RNF17: variants seen among roughly 807,000 people sequenced by gnomAD.
The protein encoded by RNF17 is ring finger protein 17, also known as spermatogenesis associated 23.
A neutral mutation model predicts 200.5 loss-of-function variants in RNF17; 31 were observed. The observed-to-expected ratio is 0.15, with a 90% CI of 0.12 to 0.21. The LOEUF (loss-of-function observed/expected upper bound fraction) is 0.21, where lower values mean the gene tolerates loss of function less well. Among genes scored for constraint, RNF17 ranks in the 10% least tolerant of loss-of-function variants. The pLI, the probability that RNF17 is intolerant of heterozygous loss-of-function variation, is 1.00. For synonymous variants in RNF17, 606 were observed against 637.8 expected, an observed-to-expected ratio of 0.95 and a Z score of 0.75; for missense variants, 1,628 against 1,905.1, an observed-to-expected ratio of 0.85 and a Z score of 2.71.
chr13:24,823,042 T>C (rs1275332488), intron 15 of RNF17, among the ~76,000 whole-genome samples: 1 of 152,146 alleles, frequency 6.6e-6, no homozygotes. Flanking sequence ...TGAACTCCCA[T>C]AGCTCTTGTT....
Position 24,793,264 on chromosome 13 carries a change from C to G in RNF17, c.1158C>G (p.Ser386=), listed in dbSNP as rs150736079. ...FQPQKDVATA[S]PKTIAVLPQM... The stretch of plus-strand genomic sequence containing the variant: ...CACAGAAAGACGTTGCAACAGCATC[C>G]CCTAAAACCATTGCTGTGTTACCTC... Residue 386 remains serine (S), a synonymous_variant, in exon 10 of 36, where the codon TCC becomes TCG. Coordinates refer to ENST00000255324, the MANE Select transcript of RNF17 (RefSeq NM_031277.3). 1.8e-4 allele frequency: 298 copies of G among 1,613,922 alleles called. No homozygotes were observed. Among genetic ancestry groups the G allele is most frequent in the Non-Finnish European group, 2.4e-4 (286 of 1,179,900 alleles).
intron 2 of RNF17, among the ~76,000 whole-genome samples, chr13:24,769,538 T>A (rs1467820273): frequency 6.6e-6 from 1 of 152,226 alleles, no homozygotes; most frequent in Non-Finnish European, 1.5e-5. Flanking sequence ...GAAATTGTTA[T>A]CACTCTTTTT....
intron 19 of RNF17, 85 bp downstream of exon 19, chr13:24,842,246 C>A (rs1044928675): frequency 1.9e-5 from 24 of 1,231,402 alleles, no homozygotes; most frequent in Non-Finnish European, 2.6e-5. Context: ...CATATCATTC[C>A]CCATTGGAGA....
rs577839811 is a variant in RNF17 at position 24,843,990 on chromosome 13, A to T, written c.2831+19A>T. On this transcript the variant is annotated intron_variant, in intron 20 of 35. Coordinates refer to ENST00000255324, the MANE Select transcript of RNF17 (RefSeq NM_031277.3). ...TTAATAGGTATAATATATATATATA[A>T]TATATAAGGAAAATATTGCATATGA... is the stretch of plus-strand genomic sequence containing the variant. The T allele has an allele frequency of 4.5e-6, 3 of 668,646 alleles. No individual in the cohort carries two copies. The highest frequency in any genetic ancestry group is 6.7e-6 in the Non-Finnish European group (3 of 448,852). 41.4% of individuals were successfully genotyped at this position (668,646 alleles called of 1,614,324 possible). A position where few individuals can be genotyped will look rare whatever the true frequency, so the allele number is the denominator to read the frequency against.
At chr13:24,867,472 A>G (rs1014912652) in intron 30 of RNF17, among the ~76,000 whole-genome samples, 7 of 152,222 alleles carry the variant, frequency 4.6e-5, no homozygotes, top group African/African-American at 1.4e-4. Flanking sequence ...ATTTATGAAA[A>G]TAACATAACC....
At chr13:24,834,989 C>T (rs935588264) in intron 18 of RNF17, among the ~76,000 whole-genome samples, 3 of 152,280 alleles carry the variant, frequency 2.0e-5, no homozygotes, top group African/African-American at 7.2e-5. Flanking sequence ...GGGGGGAACA[C>T]AGTGGGAATG....
At chr13:24,833,767 G>C (rs991038235) in intron 18 of RNF17, among the ~76,000 whole-genome samples, 1 of 152,190 alleles carries the variant, frequency 6.6e-6, no homozygotes, top group Admixed American at 6.5e-5. Flanking sequence ...GTAAAATTGT[G>C]AGTTCAAGAC....
chr13:24,761,578 TAGG>T (rs1199854614), upstream of RNF17, among the ~76,000 whole-genome samples: 2 of 152,194 alleles, frequency 1.3e-5, no homozygotes, highest in African/African-American at 4.8e-5. Context: ...CTCAGCTGTT[TAGG>T]AGATGATTTT....
chr13:24,759,199 C>A (rs1452478917), upstream of RNF17, among the ~76,000 whole-genome samples: 1 of 151,738 alleles, frequency 6.6e-6, no homozygotes, highest in Non-Finnish European at 1.5e-5. Context: ...ATGACATACA[C>A]CTCTGGAGTT....
intron 23 of RNF17, 144 bp downstream of exon 23, chr13:24,850,587 G>T: frequency 3.7e-6 from 2 of 536,264 alleles, no homozygotes; most frequent in South Asian, 3.1e-5. Flanking sequence ...AGTATAAGAG[G>T]CATATATCTT....
chr13:24,882,080 A>C (rs376663549), downstream of RNF17, among the ~76,000 whole-genome samples: 4 of 19,354 alleles, frequency 2.1e-4, 1 homozygote, highest in Non-Finnish European at 5.6e-4. Context: ...AGATATATAG[A>C]TACATCTATA....
chr13:24,789,048 A>C (rs571249248), intron 7 of RNF17, among the ~76,000 whole-genome samples: 1 of 152,314 alleles, frequency 6.6e-6, no homozygotes, highest in East Asian at 1.9e-4. Context: ...AATCTAGCTA[A>C]GAAAATAGGG....
chr13:24,815,428 GGTGTGTGTGTGT>G (rs60054136), intron 15 of RNF17, among the ~76,000 whole-genome samples: 1,538 of 144,188 alleles, frequency 0.011, 19 homozygotes, highest in East Asian at 0.09. Context: ...GCCCTAACGG[GGTGTGTGTGTGT>G]GTGTGTGTGT....
intron 18 of RNF17, 89 bp downstream of exon 18, chr13:24,832,067 T>TG: frequency 1.1e-6 from 1 of 949,860 alleles, no homozygotes; most frequent in South Asian, 1.9e-5. Context: ...ATAAATTCAG[T>TG]GTGCCATCAG....
rs573781576 is a variant in RNF17, at chr13:24,850,433, T to A, written c.3194T>A (p.Val1065Glu). ...TGAVATIILQVDSEENNTTWP... is the reference protein window; with the variant it reads ...TGAVATIILQEDSEENNTTWP... ...GCTGTAGCAACTATAATCTTACAGG[T>A]GGATAGTGAGGTAACAAGTTACAAG... is the stretch of plus-strand genomic sequence containing the variant. The change falls in exon 23 of 36, where the codon GTG (valine) becomes GAG (glutamate). Residue 1065 changes from valine (V) to glutamate (E), a missense_variant. Val to Glu is a moderately radical substitution (Grantham distance 121, BLOSUM62 -2). This residue lies in a region of RNF17 where 609 missense variants were observed against 681.9 expected (regional missense o/e 0.89). Coordinates refer to ENST00000255324, the MANE Select transcript of RNF17 (RefSeq NM_031277.3). The A allele has an allele frequency of 3.2e-5, 52 of 1,603,454 alleles. 1 individual carries two copies. The East Asian group carries it at 5.6e-4, about 17-fold the overall frequency.
At chr13:24,844,052 A>G in intron 20 of RNF17, 81 bp downstream of exon 20, 1 of 461,170 alleles carries the variant, frequency 2.2e-6, no homozygotes, top group Non-Finnish European at 3.6e-6. Flanking sequence ...TCTAGAAGTC[A>G]TAAATGTAGA....
intron 18 of RNF17, among the ~76,000 whole-genome samples, 187 bp downstream of exon 18, chr13:24,832,165 C>A (rs565063013): frequency 6.6e-6 from 1 of 152,250 alleles, no homozygotes; most frequent in African/African-American, 2.4e-5. Context: ...GGACAAAAAT[C>A]ACCATAAAAG....
chr13:24,791,095 T>G (rs1054490984), intron 9 of RNF17, among the ~76,000 whole-genome samples: 2 of 152,194 alleles, frequency 1.3e-5, no homozygotes, highest in Non-Finnish European at 2.9e-5. Context: ...TAAAAGGTTT[T>G]AAGCATGAAA....
intron 29 of RNF17, among the ~76,000 whole-genome samples, chr13:24,865,511 G>C (rs1466021812): frequency 6.6e-6 from 1 of 152,072 alleles, no homozygotes; most frequent in Non-Finnish European, 1.5e-5. Context: ...TACAAGATAT[G>C]GTTTCACATT....
Sources: allele counts gnomAD v4.1 joint callset (sites outside exome capture counted in the v4.1 genomes callset), GRCh38; gene constraint gnomAD v4.1.1; regional missense constraint gnomAD v4.1.1; transcripts MANE v1.5; gene names NCBI Gene and HGNC (gene_info 2026-07-23, HGNC 2026-07-21).